TRPC6: variants seen among roughly 807,000 people sequenced by gnomAD.
TRPC6 encodes the protein short transient receptor potential channel 6.
TRPC6 carries 55 observed loss-of-function variants against 90.7 expected under a neutral mutation model. The observed-to-expected ratio is 0.61, with a 90% CI of 0.49 to 0.76. TRPC6 has a LOEUF of 0.76. Among genes scored for constraint, TRPC6 ranks in the 30% least tolerant of loss-of-function variants. The pLI is 0.00. For missense variants in TRPC6, 989 were observed against 1,122.7 expected (o/e 0.88, Z 1.70); for synonymous variants, 393 against 393.0 (o/e 1.00, Z 0.00).
intron 1 of TRPC6, among the ~76,000 whole-genome samples, chr11:101,544,221 C>G (rs748953218): frequency 2.8e-4 from 42 of 152,156 alleles, no homozygotes; most frequent in Non-Finnish European, 5.3e-4. Flanking sequence ...ATGAAAAAGT[C>G]AGGAAACAAC....
intron 1 of TRPC6, among the ~76,000 whole-genome samples, chr11:101,569,518 C>T (rs1861910409): frequency 6.6e-6 from 1 of 152,128 alleles, no homozygotes; most frequent in Admixed American, 6.5e-5. Flanking sequence ...CCAATCAGAC[C>T]TAATAGACAT....
rs150646804 is a variant in TRPC6 at position 101,480,761 on chromosome 11, C to T, written c.1510+2188G>A. ...GTTGTGCCAAGTACTGTATTATTTA[C>T]CTTACATATACTAAGACATAAAAAA... On this transcript the variant is annotated intron_variant, in intron 5 of 12. Coordinates refer to ENST00000344327, the MANE Select transcript of TRPC6 (RefSeq NM_004621.6). Among the ~76,000 whole-genome samples the T allele has an allele frequency of 6.8e-3, 1,038 of 152,104 alleles. 16 individuals are homozygous for T. The highest frequency in any genetic ancestry group is 0.021 in the African/African-American group (889 of 41,484).
intron 2 of TRPC6, among the ~76,000 whole-genome samples, chr11:101,500,533 G>A (rs1195239181): frequency 6.6e-6 from 1 of 151,904 alleles, no homozygotes; most frequent in African/African-American, 2.4e-5. Flanking sequence ...TAACAGCTGG[G>A]TTGATTTTTG....
chr11:101,480,489 A>G (rs1279972336), intron 5 of TRPC6, among the ~76,000 whole-genome samples: 1 of 152,046 alleles, frequency 6.6e-6, no homozygotes. Context: ...TATTTTATAT[A>G]TAAAATATAA....
rs1324021037 is a variant in TRPC6 at position 101,499,733 on chromosome 11, G to GTA, written c.945+4289_945+4290dup. ...TACACATTTTATATTGTGTATATGTGTATATATATATACACAATATATAAT... is the reference window on the plus strand; with the variant it reads ...TACACATTTTATATTGTGTATATGTGTATATATATATATACACAATATATAAT... On this transcript the variant is annotated intron_variant, in intron 2 of 12. Coordinates refer to ENST00000344327, the MANE Select transcript of TRPC6 (RefSeq NM_004621.6). Among the ~76,000 whole-genome samples, 5 of 22,346 alleles carry GTA rather than the reference G, an allele frequency of 2.2e-4. 1 individual carries two copies. The highest frequency in any genetic ancestry group is 4.6e-4 in the African/African-American group (2 of 4,320). The allele number at this position is 22,346 out of a possible 152,430, so 14.7% of individuals were successfully genotyped here.
chr11:101,452,810 T>C lies in TRPC6; in HGVS notation c.*145A>G. The C allele has an allele frequency of 4.5e-6, 4 of 891,028 alleles. No individual in the cohort carries two copies. Among genetic ancestry groups the C allele is most frequent in the Non-Finnish European group, 7.0e-6 (4 of 574,422 alleles). The allele number at this position is 891,028 out of a possible 1,614,324, so 55.2% of individuals were successfully genotyped here. ...TTTAATCACCAAAAAAATTAGATAC[T>C]AGGGCTCCAGATGATAGGATGGCCC... On this transcript the variant is annotated 3_prime_UTR_variant, in exon 13 of 13. Coordinates refer to ENST00000344327, the MANE Select transcript of TRPC6 (RefSeq NM_004621.6).
chr11:101,480,383 C>T (rs555521902), intron 5 of TRPC6, among the ~76,000 whole-genome samples: 58 of 152,106 alleles, frequency 3.8e-4, no homozygotes, highest in African/African-American at 1.2e-3. Flanking sequence ...CACTACCTAC[C>T]GGTCCAAGGC....
rs17096920 is a variant in TRPC6, at chr11:101,583,927, C to G, written c.-424G>C. On this transcript the variant is annotated 5_prime_UTR_variant, in exon 1 of 13. Transcript: ENST00000344327. Reference sequence around the variant, plus strand: ...ATCCCCCGCACTCTCCGTCAAGATCCCCACCTTTAAAGGGATCCGAGCGAC... The same window carrying G: ...ATCCCCCGCACTCTCCGTCAAGATCGCCACCTTTAAAGGGATCCGAGCGAC... The G allele has an allele frequency of 2.5e-3, 411 of 165,258 alleles. 4 individuals are homozygous for G. The highest frequency in any genetic ancestry group is 9.0e-3 in the African/African-American group (380 of 42,186). The allele number at this position is 165,258 out of a possible 1,614,324, so 10.2% of individuals were successfully genotyped here.
chr11:101,508,232 T>C (rs542349157), intron 1 of TRPC6, among the ~76,000 whole-genome samples: 53 of 152,274 alleles, frequency 3.5e-4, no homozygotes, highest in South Asian at 4.1e-4. Flanking sequence ...CTGTATTTCA[T>C]AGTAGAATTT....
At chr11:101,454,010 A>AAAAGT (rs1445202239) in intron 11 of TRPC6, among the ~76,000 whole-genome samples, 19 of 152,258 alleles carry the variant, frequency 1.2e-4, no homozygotes, top group African/African-American at 4.6e-4. Context: ...ATTTTATTTG[A>AAAAGT]AAAGTATTAG....
At chr11:101,499,402 G>C (rs1860033580) in intron 2 of TRPC6, among the ~76,000 whole-genome samples, 1 of 151,636 alleles carries the variant, frequency 6.6e-6, no homozygotes, top group Non-Finnish European at 1.5e-5. Context: ...TTTTAATCTA[G>C]TAAGATAGTT....
chr11:101,460,074 C>A (rs1327486398), intron 10 of TRPC6, among the ~76,000 whole-genome samples: 2 of 152,132 alleles, frequency 1.3e-5, no homozygotes, highest in East Asian at 3.9e-4. Context: ...AATACTGTTA[C>A]TCTATCAATT....
intron 9 of TRPC6, among the ~76,000 whole-genome samples, chr11:101,470,425 A>G (rs1270027965): frequency 6.6e-6 from 1 of 152,110 alleles, no homozygotes; most frequent in African/African-American, 2.4e-5. Context: ...CTTTATCCAT[A>G]TGTGTTCCAT....
At chr11:101,470,801 TGCCCCG>T (rs1859271042) in intron 9 of TRPC6, among the ~76,000 whole-genome samples, 2 of 82,290 alleles carry the variant, frequency 2.4e-5, no homozygotes, top group South Asian at 4.4e-4. Flanking sequence ...TTAATCAAGT[TGCCCCG>T]CCCCCCCCCC....
chr11:101,547,201 T>C (rs1385200762), intron 1 of TRPC6, among the ~76,000 whole-genome samples: 2 of 152,188 alleles, frequency 1.3e-5, no homozygotes, highest in Non-Finnish European at 2.9e-5. Flanking sequence ...ACATGTGTAT[T>C]GTGTCTCCCA....
chr11:101,507,581 C>T (rs568487030), intron 1 of TRPC6, among the ~76,000 whole-genome samples: 1 of 152,216 alleles, frequency 6.6e-6, no homozygotes, highest in South Asian at 2.1e-4. Context: ...ACGTGTACAT[C>T]TAAAACTGAC....
intron 1 of TRPC6, among the ~76,000 whole-genome samples, chr11:101,574,939 C>CA (rs1234116358): frequency 3.2e-4 from 48 of 152,130 alleles, no homozygotes; most frequent in African/African-American, 1.1e-3. Flanking sequence ...TGTGCTACTA[C>CA]AAGTCAGGAC....
intron 1 of TRPC6, among the ~76,000 whole-genome samples, chr11:101,565,236 A>G (rs1483531892): frequency 1.3e-5 from 2 of 152,130 alleles, no homozygotes. Flanking sequence ...GCTTCTGCAC[A>G]GCAAAGAAAA....
intron 5 of TRPC6, among the ~76,000 whole-genome samples, chr11:101,481,627 A>C (rs1859553728): frequency 6.6e-6 from 1 of 152,100 alleles, no homozygotes; most frequent in Non-Finnish European, 1.5e-5. Context: ...TCTGATGTGC[A>C]ATAATCACCA....
Sources: gnomAD v4.1 joint callset for allele counts (sites outside exome capture counted in the v4.1 genomes callset) on GRCh38, gnomAD v4.1.1 for gene constraint, MANE v1.5 for transcripts, NCBI Gene and HGNC (gene_info 2026-07-23, HGNC 2026-07-21) for gene names.